Variants in DROSHA observed in about 807,000 individuals in gnomAD.
The protein encoded by DROSHA is ribonuclease 3.
DROSHA carries 56 observed loss-of-function variants against 181.9 expected under a neutral mutation model. The observed-to-expected ratio is 0.31, with a 90% CI of 0.25 to 0.38. The LOEUF is 0.38. Ranked by LOEUF, DROSHA falls within the 10% of genes least tolerant of loss-of-function variation. The pLI is 1.00. For missense variants in DROSHA, 1,218 were observed against 1,743.5 expected, an observed-to-expected ratio of 0.70 and a Z score of 5.37; for synonymous variants, 524 against 591.2, an observed-to-expected ratio of 0.89 and a Z score of 1.65.
Position 31,515,232 on chromosome 5 carries a change from G to A in DROSHA, c.1059-13C>T. On this transcript the variant is annotated splice_polypyrimidine_tract_variant and intron_variant, in intron 7 of 35. Transcript: ENST00000344624. ...ACTTGGGGAGCGACTTCAAAAGAGG[G>A]CAAAGGAGGTTAATTATTAAAAATA... 6.3e-7 allele frequency: 1 copy of A among 1,591,576 alleles called. No homozygotes were observed. Among genetic ancestry groups the A allele is most frequent in the South Asian group, 1.2e-5 (1 of 86,442 alleles).
intron 11 of DROSHA, among the ~76,000 whole-genome samples, chr5:31,496,796 G>A (rs1193830244): frequency 6.6e-6 from 1 of 152,228 alleles, no homozygotes; most frequent in African/African-American, 2.4e-5. Context: ...TTCAGTCTGT[G>A]AGTTACAGTC....
At chr5:31,491,953 C>T (rs923784871) in intron 13 of DROSHA, among the ~76,000 whole-genome samples, 4 of 152,098 alleles carry the variant, frequency 2.6e-5, no homozygotes. Flanking sequence ...CACCACCATG[C>T]CCAGCTAATT....
At chr5:31,446,275 T>C (rs894621603) in intron 23 of DROSHA, among the ~76,000 whole-genome samples, 1 of 151,344 alleles carries the variant, frequency 6.6e-6, no homozygotes, top group African/African-American at 2.4e-5. Flanking sequence ...TGAGACCCTG[T>C]CTCTACTAAA....
chr5:31,404,410 C>T (rs907304521), intron 35 of DROSHA, among the ~76,000 whole-genome samples: 38 of 152,264 alleles, frequency 2.5e-4, no homozygotes, highest in Middle Eastern at 6.8e-3. Context: ...AGCGTCTGCT[C>T]CCACTAAACT....
chr5:31,518,123 A>G (rs10066128), intron 6 of DROSHA, among the ~76,000 whole-genome samples: 4,080 of 140,858 alleles, frequency 0.029, 181 homozygotes, highest in African/African-American at 0.099. Context: ...GCCTGTTGCT[A>G]CTAGGCTACA....
intron 28 of DROSHA, 100 bp downstream of exon 28, chr5:31,424,327 G>A (rs147285904): frequency 0.017 from 23,963 of 1,436,342 alleles, 263 homozygotes; most frequent in Middle Eastern, 0.022. Flanking sequence ...CCACCGAAGA[G>A]AATCAAAAGA....
At chr5:31,471,993 T>G in intron 17 of DROSHA, 70 bp downstream of exon 17, 1 of 1,419,636 alleles carries the variant, frequency 7.0e-7, no homozygotes, top group Non-Finnish European at 9.3e-7. Context: ...GCTGTTACTG[T>G]TTTCATGAAA....
At chr5:31,440,568 A>G (rs1745454831) in intron 23 of DROSHA, among the ~76,000 whole-genome samples, 1 of 152,234 alleles carries the variant, frequency 6.6e-6, no homozygotes, top group Non-Finnish European at 1.5e-5. Context: ...TGAACAATGA[A>G]TAAGTGATTC....
chr5:31,478,444 A>G (rs1332076373), intron 16 of DROSHA, among the ~76,000 whole-genome samples: 1 of 152,250 alleles, frequency 6.6e-6, no homozygotes, highest in East Asian at 1.9e-4. Flanking sequence ...GTAAAAGACT[A>G]GTAACATCCT....
At chr5:31,520,221 C>T (rs963180477) in intron 6 of DROSHA, among the ~76,000 whole-genome samples, 5 of 151,598 alleles carry the variant, frequency 3.3e-5, no homozygotes, top group Admixed American at 6.6e-5. Context: ...ATTTTTTAAA[C>T]GGTTTTAAAT....
intron 8 of DROSHA, among the ~76,000 whole-genome samples, chr5:31,514,000 G>C (rs746504498): frequency 6.6e-6 from 1 of 152,140 alleles, no homozygotes; most frequent in Non-Finnish European, 1.5e-5. Flanking sequence ...TAGTGGTGGA[G>C]TCTGTCATGG....
At chr5:31,520,251 C>A (rs1023431252) in intron 6 of DROSHA, among the ~76,000 whole-genome samples, 2 of 152,068 alleles carry the variant, frequency 1.3e-5, no homozygotes, top group African/African-American at 4.8e-5. Flanking sequence ...TCTTTTCATT[C>A]CTGTAACAAT....
chr5:31,526,024 A>C, intron 5 of DROSHA, 55 bp downstream of exon 5: 54 of 1,471,724 alleles, frequency 3.7e-5, no homozygotes, highest in African/African-American at 4.2e-5. Flanking sequence ...TAAATGGAGA[A>C]TGACCGTGCC....
At chr5:31,522,069 T>C (rs1395862452) in intron 5 of DROSHA, among the ~76,000 whole-genome samples, 3 of 152,286 alleles carry the variant, frequency 2.0e-5, no homozygotes, top group East Asian at 1.9e-4. Context: ...CAAACAGAAA[T>C]GTCAATACAT....
chr5:31,468,199 CTT>C, intron 17 of DROSHA, 136 bp from the exon 18 acceptor site: 1 of 954,518 alleles, frequency 1.0e-6, no homozygotes, highest in Non-Finnish European at 1.5e-6. Flanking sequence ...ATTTAAAACC[CTT>C]TAATTACAGC....
chr5:31,472,182 T>A lies in DROSHA; in HGVS notation c.2122A>T (p.Arg708Trp), dbSNP rs1424785130. Residue 708 changes from arginine to tryptophan, a missense_variant, in exon 17 of 36, where the codon AGG becomes TGG. Around this residue, in one of 8 missense-constraint regions of DROSHA, gnomAD observed 460 missense variants for 774.2 expected, o/e 0.59. Coordinates refer to ENST00000344624, the MANE Select transcript of DROSHA (RefSeq NM_001382508.1). ...TCAGGCACCAGGGCTTTGCTGCACC[T>A]TAACAAGTACAGGAGAATCTGGTGC... ...SMHQILLYLL[R>W]CSKALVPEEE... The A allele has an allele frequency of 6.2e-7, 1 of 1,613,782 alleles. No homozygotes were observed. The highest frequency in any genetic ancestry group is 1.3e-5 in the African/African-American group (1 of 74,920).
intron 20 of DROSHA, among the ~76,000 whole-genome samples, chr5:31,462,559 G>A (rs1207574738): frequency 6.6e-6 from 1 of 151,224 alleles, no homozygotes; most frequent in African/African-American, 2.4e-5. Context: ...GCTGAGGGTA[G>A]AGGAAGGACA....
intron 30 of DROSHA, among the ~76,000 whole-genome samples, chr5:31,412,904 G>T (rs537103962): frequency 7.9e-4 from 120 of 152,288 alleles, no homozygotes; most frequent in Non-Finnish European, 1.4e-3. Flanking sequence ...TAGAGGCTGT[G>T]GGGGAATAGG....
At chr5:31,485,458 A>C (rs957868116) in intron 14 of DROSHA, among the ~76,000 whole-genome samples, 1 of 151,914 alleles carries the variant, frequency 6.6e-6, no homozygotes, top group African/African-American at 2.4e-5. Flanking sequence ...TCTGCACCAA[A>C]ATTTCTCCTG....
Sources: gnomAD v4.1 joint callset for allele counts (sites outside exome capture counted in the v4.1 genomes callset) on GRCh38, gnomAD v4.1.1 for gene constraint, gnomAD v4.1.1 regional missense constraint, MANE v1.5 for transcripts, NCBI Gene and HGNC (gene_info 2026-07-23, HGNC 2026-07-21) for gene names.